MAP3K13: variants seen among roughly 807,000 people sequenced by gnomAD.
The protein encoded by MAP3K13 is leucine zipper-bearing kinase.
In MAP3K13, 52 loss-of-function variants were observed where a neutral mutation model predicts 104.0. That is an observed-to-expected ratio of 0.50 (90% CI 0.40 to 0.63). The LOEUF (loss-of-function observed/expected upper bound fraction) is 0.63, where lower values mean the gene tolerates loss of function less well. Ranked by LOEUF, MAP3K13 falls within the 20% of genes least tolerant of loss-of-function variation. The probability of loss-of-function intolerance (pLI) is 0.00; values close to 1 mark genes in which losing one functional copy is unlikely to be tolerated. For synonymous variants in MAP3K13, 394 were observed against 442.2 expected, an observed-to-expected ratio of 0.89 and a Z score of 1.37; for missense variants, 914 against 1,218.5, an observed-to-expected ratio of 0.75 and a Z score of 3.72.
At chr3:185,313,636 A>T (rs1721575632) in intron 2 of MAP3K13, among the ~76,000 whole-genome samples, 1 of 152,050 alleles carries the variant, frequency 6.6e-6, no homozygotes, top group African/African-American at 2.4e-5. Context: ...ATTAGGGAGG[A>T]GAATATGAAC....
At chr3:185,432,243 G>A (rs1018442844) in intron 2 of MAP3K13, among the ~76,000 whole-genome samples, 8 of 136,714 alleles carry the variant, frequency 5.9e-5, no homozygotes, top group South Asian at 2.4e-4. Flanking sequence ...AGGCTGGAGC[G>A]CAATGGGTGT....
chr3:185,310,318 C>T (rs1275766030), intron 2 of MAP3K13, among the ~76,000 whole-genome samples: 1 of 152,046 alleles, frequency 6.6e-6, no homozygotes, highest in Non-Finnish European at 1.5e-5. Context: ...TCAGTTTATA[C>T]TGTTATTCTA....
In MAP3K13 at chr3:185,299,553, CTTTTTTTTTTTTT is replaced by C. The variant is rs1195743775; in HGVS notation, c.-86+13922_-86+13934del. On this transcript the variant is annotated intron_variant, in intron 2 of 14. Coordinates refer to the MAP3K13 transcript ENST00000424227. The stretch of plus-strand genomic sequence containing the variant: ...GTCTGTCTGTTTTCTCTCTCTCTCT[CTTTTTTTTTTTTT>C]TTTTTTTTTTTGAGACGGAGTCTCG... Among the ~76,000 whole-genome samples the C allele has an allele frequency of 9.9e-4, 7 of 7,082 alleles. 2 individuals are homozygous for C. The highest frequency in any genetic ancestry group is 6.9e-3 in the Admixed American group (3 of 434). The allele number at this position is 7,082 out of a possible 152,430, so 4.6% of individuals were successfully genotyped here.
At chr3:185,424,946 T>G (rs1041781699) in intron 1 of MAP3K13, among the ~76,000 whole-genome samples, 6 of 152,194 alleles carry the variant, frequency 3.9e-5, no homozygotes, top group African/African-American at 1.4e-4. Context: ...CACCTCAGCC[T>G]TCCACCCAAG....
rs879368733 is a variant in MAP3K13 at position 185,345,792 on chromosome 3, G to A, written c.-86+60149G>A. Among the ~76,000 whole-genome samples, 19 of 152,142 alleles carry A rather than the reference G, an allele frequency of 1.2e-4. No individual in the cohort carries two copies. The East Asian group carries it at 1.7e-3, about 14-fold the overall frequency. ...CAATGTAATAATAGAAATAAAGTGC[G>A]CAATAAATGTAATGCACTTGAATCA... On this transcript the variant is annotated intron_variant, in intron 2 of 14. Transcript: ENST00000424227.
intron 10 of MAP3K13, among the ~76,000 whole-genome samples, chr3:185,467,932 AAAAC>A (rs1717549201): frequency 6.6e-6 from 1 of 152,114 alleles, no homozygotes; most frequent in African/African-American, 2.4e-5. Flanking sequence ...ATCATGGTGA[AAAAC>A]AAAGGGGGAG....
At chr3:185,446,979 T>C (rs1005877884) in intron 4 of MAP3K13, among the ~76,000 whole-genome samples, 2 of 152,186 alleles carry the variant, frequency 1.3e-5, no homozygotes, top group African/African-American at 4.8e-5. Context: ...GGTAGTGCAC[T>C]ACCTTAGACA....
upstream of MAP3K13, among the ~76,000 whole-genome samples, chr3:185,360,477 A>G (rs76263642): frequency 2.1e-3 from 320 of 152,212 alleles, no homozygotes; most frequent in African/African-American, 7.4e-3. Context: ...ACTGACTTCT[A>G]TATCTTCCAT....
rs192184615 is a variant in MAP3K13, at chr3:185,433,950, A to G, written c.476-3497A>G. Among the ~76,000 whole-genome samples the G allele has an allele frequency of 9.5e-4, 138 of 145,784 alleles. 2 individuals are homozygous for G. The East Asian group carries it at 0.025, about 26-fold the overall frequency. ...ATGAAAAGAAAGGATTTTTAAACAA[A>G]TTATTTGGGAATCATTAAATAGCAA... On this transcript the variant is annotated intron_variant, in intron 2 of 13. Coordinates refer to ENST00000265026, the MANE Select transcript of MAP3K13 (RefSeq NM_004721.5).
At position 185,455,553 on chromosome 3, in the gene MAP3K13, G is replaced by C. The variant is rs866929127; in HGVS notation, c.1278+4158G>C. The stretch of plus-strand genomic sequence containing the variant: ...TATGAGATATATATGACATATATAT[G>C]ATATATATGAGATATATATGACATA... On this transcript the variant is annotated intron_variant, in intron 7 of 13. Transcript: ENST00000265026. Among the ~76,000 whole-genome samples, 51 of 18,820 alleles carry C rather than the reference G, an allele frequency of 2.7e-3. 7 individuals carry two copies. Among genetic ancestry groups the C allele is most frequent in the South Asian group, 5.9e-3 (3 of 510 alleles). 12.3% of individuals were successfully genotyped at this position (18,820 alleles called of 152,430 possible). A position where few individuals can be genotyped will look rare whatever the true frequency, so the allele number is the denominator to read the frequency against.
rs1718847032 is a variant in MAP3K13, at chr3:185,488,855, T to C, written c.*6399T>C. ...ACTCTGGAAGTGGGAAGACCCTCTT[T>C]GACGCTTTATTACAGTAATTTGAGC... On this transcript the variant is annotated 3_prime_UTR_variant, in exon 14 of 14. Coordinates refer to ENST00000265026, the MANE Select transcript of MAP3K13 (RefSeq NM_004721.5). The C allele has an allele frequency of 6.6e-6, 1 of 152,242 alleles. No individual in the cohort carries two copies. The highest frequency in any genetic ancestry group is 1.5e-5 in the Non-Finnish European group (1 of 68,052). The allele number at this position is 152,242 out of a possible 1,614,324, so 9.4% of individuals were successfully genotyped here.
At chr3:185,468,180 G>A (rs1270793969) in intron 10 of MAP3K13, among the ~76,000 whole-genome samples, 2 of 152,072 alleles carry the variant, frequency 1.3e-5, no homozygotes, top group African/African-American at 2.4e-5. Context: ...GGGTGGGGAC[G>A]TAGACTCAAA....
At chr3:185,345,459 A>G (rs879659093) in intron 2 of MAP3K13, among the ~76,000 whole-genome samples, 38 of 152,204 alleles carry the variant, frequency 2.5e-4, no homozygotes, top group South Asian at 2.1e-4. Flanking sequence ...ACAGCAGATG[A>G]GCAGCAGGCC....
Position 185,338,854 on chromosome 3 carries a change from T to C in MAP3K13, c.-86+53211T>C, listed in dbSNP as rs1403107759. Among the ~76,000 whole-genome samples, 3 of 152,132 alleles carry C rather than the reference T, an allele frequency of 2.0e-5. No individual in the cohort carries two copies. The East Asian group carries it at 5.8e-4, about 29-fold the overall frequency. On this transcript the variant is annotated intron_variant, in intron 2 of 14. Coordinates refer to the MAP3K13 transcript ENST00000424227. ...CCATAAAAAGTCAATTTTACTTGTG[T>C]TAATTTACAAAGAATGAGATTCTGG...
intron 2 of MAP3K13, among the ~76,000 whole-genome samples, chr3:185,313,722 A>G (rs753849193): frequency 3.1e-5 from 4 of 128,306 alleles, no homozygotes; most frequent in Non-Finnish European, 6.7e-5. Flanking sequence ...CATGAAAAAC[A>G]TGAAGTAGTG....
chr3:185,411,420 C>T (rs773681184), intron 1 of MAP3K13, among the ~76,000 whole-genome samples: 4 of 152,152 alleles, frequency 2.6e-5, no homozygotes, highest in Admixed American at 6.6e-5. Flanking sequence ...ACATGGTTTC[C>T]AAGCCCATGA....
chr3:185,455,277 G>GATATATAAGATAT (rs531448357), intron 7 of MAP3K13, among the ~76,000 whole-genome samples: 1 of 34,740 alleles, frequency 2.9e-5, no homozygotes, highest in Non-Finnish European at 6.1e-5. Flanking sequence ...ATATATATGA[G>GATATATAAGATAT]ATATATGAGA....
At chr3:185,378,002 G>A (rs1443806024) in intron 1 of MAP3K13, among the ~76,000 whole-genome samples, 1 of 148,054 alleles carries the variant, frequency 6.8e-6, no homozygotes, top group Non-Finnish European at 1.5e-5. Flanking sequence ...GCAAGCTCCT[G>A]GGGTGGGGGG....
intron 1 of MAP3K13, among the ~76,000 whole-genome samples, chr3:185,409,295 G>A (rs1027022907): frequency 3.9e-5 from 6 of 152,174 alleles, no homozygotes; most frequent in African/African-American, 1.4e-4. Context: ...TTGAACCCAG[G>A]AGGCGGAGGT....
Sources: allele counts gnomAD v4.1 joint callset (sites outside exome capture counted in the v4.1 genomes callset), GRCh38; gene constraint gnomAD v4.1.1; transcripts MANE v1.5; gene names NCBI Gene and HGNC (gene_info 2026-07-23, HGNC 2026-07-21).